SPAG16: variants seen among roughly 807,000 people sequenced by gnomAD.
SPAG16 encodes sperm-associated antigen 16 protein.
In SPAG16, 86 loss-of-function variants were observed where a neutral mutation model predicts 80.4. The ratio of observed to expected loss-of-function variants is 1.07; its 90% CI spans 0.90 to 1.28. The LOEUF (loss-of-function observed/expected upper bound fraction) is 1.28. Ranked by LOEUF, SPAG16 falls within the 50% of genes most tolerant of loss-of-function variation. SPAG16 has a pLI of 0.00. For missense variants in SPAG16, 870 were observed against 765.3 expected, an observed-to-expected ratio of 1.14 and a Z score of -1.61; for synonymous variants, 294 against 265.9, an observed-to-expected ratio of 1.11 and a Z score of -1.03.
intron 7 of SPAG16, among the ~76,000 whole-genome samples, chr2:213,356,294 A>G (rs2065646262): frequency 1.3e-5 from 2 of 152,170 alleles, no homozygotes; most frequent in South Asian, 2.1e-4. Context: ...CTCTTTCTCT[A>G]TTGATTGGAA....
chr2:213,927,633 G>C (rs1324126776), intron 11 of SPAG16, among the ~76,000 whole-genome samples: 1 of 152,130 alleles, frequency 6.6e-6, no homozygotes, highest in East Asian at 1.9e-4. Flanking sequence ...ATTTATTGTT[G>C]ACTAAATATC....
chr2:213,310,191 T>C lies in SPAG16; in HGVS notation c.398+14T>C. 4 of 1,494,720 alleles carry C rather than the reference T, an allele frequency of 2.7e-6. No homozygotes were observed. Among genetic ancestry groups the C allele is most frequent in the Non-Finnish European group, 3.7e-6 (4 of 1,079,332 alleles). The allele number at this position is 1,494,720 out of a possible 1,614,324, so 92.6% of individuals were successfully genotyped here. On this transcript the variant is annotated intron_variant, in intron 4 of 15. Coordinates refer to ENST00000331683, the MANE Select transcript of SPAG16 (RefSeq NM_024532.5). ...TCAGTCTGAATGGTAAACAATTATG[T>C]AGATAAATAGTTCTCTTAAAATTCT...
intron 10 of SPAG16, among the ~76,000 whole-genome samples, chr2:213,582,851 C>T (rs1464304220): frequency 1.4e-4 from 22 of 152,106 alleles, no homozygotes; most frequent in Non-Finnish European, 2.9e-5. Flanking sequence ...TTTTAGGCAC[C>T]AGTGACTAAT....
At chr2:214,253,085 T>A (rs1307197570) in intron 15 of SPAG16, among the ~76,000 whole-genome samples, 7 of 80,916 alleles carry the variant, frequency 8.7e-5, no homozygotes, top group Non-Finnish European at 1.1e-4. Flanking sequence ...GTTGGCTGCA[T>A]AAATGTCTTT....
At chr2:213,678,821 G>T (rs946545634) in intron 10 of SPAG16, among the ~76,000 whole-genome samples, 2 of 152,132 alleles carry the variant, frequency 1.3e-5, no homozygotes, top group Admixed American at 1.3e-4. Context: ...CCTTACCAGA[G>T]ACTTGCTGTT....
At chr2:213,414,428 A>T (rs2069144758) in intron 9 of SPAG16, among the ~76,000 whole-genome samples, 2 of 152,178 alleles carry the variant, frequency 1.3e-5, no homozygotes, top group East Asian at 3.8e-4. Context: ...CTTTATTAAA[A>T]AACCTGAAAA....
chr2:213,778,090 T>C (rs1195863238), intron 10 of SPAG16, among the ~76,000 whole-genome samples: 1 of 152,076 alleles, frequency 6.6e-6, no homozygotes, highest in Non-Finnish European at 1.5e-5. Context: ...AATCTAAATA[T>C]ATAGAATGAA....
At chr2:213,401,826 TTATAATACATTGATTTGTTTTCAC>T (rs1658738672) in intron 9 of SPAG16, among the ~76,000 whole-genome samples, 1 of 152,148 alleles carries the variant, frequency 6.6e-6, no homozygotes, top group Non-Finnish European at 1.5e-5. Flanking sequence ...TTTCCTTGCT[TTATAATACATTGATTTGTTTTCAC>T]TATGTATTTT....
At chr2:213,863,282 C>T (rs2075557242) in intron 11 of SPAG16, among the ~76,000 whole-genome samples, 1 of 152,080 alleles carries the variant, frequency 6.6e-6, no homozygotes, top group African/African-American at 2.4e-5. Flanking sequence ...CGTTCTAAAA[C>T]TCTCTGGCCT....
intron 11 of SPAG16, among the ~76,000 whole-genome samples, chr2:213,895,719 A>G (rs115018568): frequency 0.027 from 4,139 of 152,206 alleles, 80 homozygotes; most frequent in Middle Eastern, 0.044. Context: ...TACTGGGAAA[A>G]CTATATAATT....
chr2:213,546,806 A>T (rs1408208150), intron 10 of SPAG16, among the ~76,000 whole-genome samples: 1 of 152,198 alleles, frequency 6.6e-6, no homozygotes, highest in Non-Finnish European at 1.5e-5. Flanking sequence ...AACGGTTAGT[A>T]GGGGTTATAA....
At chr2:213,690,601 G>A (rs1303535106) in intron 10 of SPAG16, among the ~76,000 whole-genome samples, 1 of 152,188 alleles carries the variant, frequency 6.6e-6, no homozygotes, top group Non-Finnish European at 1.5e-5. Flanking sequence ...TAGTAGACTG[G>A]GAGAGGAAAA....
At position 213,932,212 on chromosome 2, in the gene SPAG16, T is replaced by C. The variant is rs367996442; in HGVS notation, c.1400+2067T>C. On this transcript the variant is annotated intron_variant, in intron 12 of 15. Coordinates refer to ENST00000331683, the MANE Select transcript of SPAG16 (RefSeq NM_024532.5). ...TATATATATATATTTGTTGTTGTTG[T>C]TGTTGTTGTTGTTTTTAAGACTGAA... Among the ~76,000 whole-genome samples, 10 of 144,286 alleles carry C rather than the reference T, an allele frequency of 6.9e-5. No individual in the cohort carries two copies. In the East Asian group the frequency reaches 8.3e-4, roughly 12 times the overall value. 94.7% of individuals were successfully genotyped at this position (144,286 alleles called of 152,430 possible).
chr2:214,176,750 G>T (rs892910614), intron 15 of SPAG16, among the ~76,000 whole-genome samples: 1 of 150,884 alleles, frequency 6.6e-6, no homozygotes, highest in Non-Finnish European at 1.5e-5. Context: ...TTCCATGTAT[G>T]CTTACTCTAG....
intron 9 of SPAG16, among the ~76,000 whole-genome samples, chr2:213,378,598 C>T (rs2125226914): frequency 6.6e-6 from 1 of 152,302 alleles, no homozygotes; most frequent in Middle Eastern, 3.4e-3. Flanking sequence ...ACAGTGTATA[C>T]ATGTACAACC....
intron 10 of SPAG16, among the ~76,000 whole-genome samples, chr2:213,705,727 G>T (rs2065720015): frequency 6.6e-6 from 1 of 152,092 alleles, no homozygotes; most frequent in South Asian, 2.1e-4. Flanking sequence ...TTTTGAAAGA[G>T]AATTTATAAC....
intron 14 of SPAG16, 23 bp downstream of exon 14, chr2:214,108,284 A>G: frequency 6.4e-7 from 1 of 1,573,118 alleles, no homozygotes; most frequent in African/African-American, 1.4e-5. Context: ...CTCCCAGTAA[A>G]CTGTTTTTAA....
intron 10 of SPAG16, among the ~76,000 whole-genome samples, chr2:213,609,529 T>C (rs2061374500): frequency 1.3e-5 from 2 of 152,200 alleles, no homozygotes; most frequent in African/African-American, 4.8e-5. Flanking sequence ...GACTAGCCAG[T>C]CACCCTCTTG....
intron 13 of SPAG16, among the ~76,000 whole-genome samples, chr2:214,072,534 G>A (rs2050837106): frequency 6.6e-6 from 1 of 151,992 alleles, no homozygotes; most frequent in African/African-American, 2.4e-5. Context: ...TGACACTAAA[G>A]GGAAATACTA....
Sources: gnomAD v4.1 joint callset for allele counts (sites outside exome capture counted in the v4.1 genomes callset) on GRCh38, gnomAD v4.1.1 for gene constraint, MANE v1.5 for transcripts, NCBI Gene and HGNC (gene_info 2026-07-23, HGNC 2026-07-21) for gene names.